AKAP9: variants seen among roughly 807,000 people sequenced by gnomAD.
AKAP9 encodes the protein A-kinase anchor protein 9.
In AKAP9, 311 loss-of-function variants were observed where a neutral mutation model predicts 488.5. The observed-to-expected ratio is 0.64, with a 90% CI of 0.58 to 0.70. The LOEUF (loss-of-function observed/expected upper bound fraction) is 0.70. Ranked by LOEUF, AKAP9 falls within the 30% of genes least tolerant of loss-of-function variation. The pLI is 0.00. For missense variants in AKAP9, 4,215 were observed against 4,374.5 expected (o/e 0.96, Z 1.03); for synonymous variants, 1,462 against 1,483.5 (o/e 0.99, Z 0.33).
At chr7:92,028,020 G>T (rs1053414525) in intron 14 of AKAP9, among the ~76,000 whole-genome samples, 3 of 152,064 alleles carry the variant, frequency 2.0e-5, no homozygotes, top group Non-Finnish European at 4.4e-5. Flanking sequence ...TGAAACATGT[G>T]CTGTGTCAAC....
rs200976922 is a variant in AKAP9 at position 92,001,807 on chromosome 7, A to G, written c.1890A>G (p.Leu630=). 88 of 1,613,218 alleles carry G rather than the reference A, an allele frequency of 5.5e-5. No individual in the cohort carries two copies. The highest frequency in any genetic ancestry group is 6.7e-5 in the Admixed American group (4 of 59,952). Residue 630 remains leucine (L), a synonymous_variant, in exon 8 of 50, where the codon CTA becomes CTG. Coordinates refer to ENST00000356239, the MANE Select transcript of AKAP9 (RefSeq NM_005751.5). ...AELERLRTQL[L]FSHEEELSKL... The stretch of plus-strand genomic sequence containing the variant: ...TAGAGAGGCTGAGAACACAGCTTCT[A>G]TTTAGTCACGAAGAAGAGCTTTCCA...
At position 92,027,507 on chromosome 7, in the gene AKAP9, C is replaced by T. The variant is rs371109308; in HGVS notation, c.4149-2388C>T. 1.1e-4 allele frequency among the ~76,000 whole-genome samples: 15 copies of T among 140,888 alleles called. No homozygotes were observed. In the East Asian group the frequency reaches 1.6e-3, roughly 15 times the overall value. The allele number at this position is 140,888 out of a possible 152,430, so 92.4% of individuals were successfully genotyped here. ...GAGGTGAGGAGCCCCTCTGCCCAGC[C>T]GCCCTTCGTCTGGGAGGTGAGGAAC... On this transcript the variant is annotated intron_variant, in intron 14 of 49. Coordinates refer to ENST00000356239, the MANE Select transcript of AKAP9 (RefSeq NM_005751.5).
chr7:91,994,923 A>T lies in AKAP9; in HGVS notation c.732+147A>T, dbSNP rs146126695. ...ATTAGTGAATATGTGTTGCTATATT[A>T]ACCAGGAATTTAATTCATACTTCTT... On this transcript the variant is annotated intron_variant, in intron 6 of 49. Coordinates refer to ENST00000356239, the MANE Select transcript of AKAP9 (RefSeq NM_005751.5). 266 of 686,984 alleles carry T rather than the reference A, an allele frequency of 3.9e-4. 1 individual carries two copies. The East Asian group carries it at 6.6e-3, about 17-fold the overall frequency. 42.6% of individuals were successfully genotyped at this position (686,984 alleles called of 1,614,324 possible).
chr7:92,082,781 T>C (rs918849703), intron 32 of AKAP9, 119 bp downstream of exon 32: 1 of 1,192,422 alleles, frequency 8.4e-7, no homozygotes, highest in Admixed American at 2.5e-5. Flanking sequence ...TAAAAAGTAT[T>C]TTGTGGATTT....
At chr7:92,082,492 T>C in intron 31 of AKAP9, 30 bp from the exon 32 acceptor site, 1 of 1,609,180 alleles carries the variant, frequency 6.2e-7, no homozygotes, top group Non-Finnish European at 8.5e-7. Flanking sequence ...TTTTAAATTA[T>C]GTGTTTCTTG....
chr7:91,980,333 G>A lies in AKAP9; in HGVS notation c.351G>A (p.Glu117=), dbSNP rs1251308210. The A allele has an allele frequency of 2.6e-6, 4 of 1,536,330 alleles. No homozygotes were observed. The highest frequency in any genetic ancestry group is 2.7e-5 in the African/African-American group (2 of 73,122). Reference sequence around the variant, plus strand: ...CCACAGCAGATGACTGCAGTTCAGAGGTAAGACTAAATTATATTGATTTCT... The same window carrying A: ...CCACAGCAGATGACTGCAGTTCAGAAGTAAGACTAAATTATATTGATTTCT... ...ISTTADDCSS[E]VNGCSFVMRT... Residue 117 remains glutamate, a splice_region_variant and synonymous_variant, in exon 3 of 50, where the codon GAG becomes GAA. Coordinates refer to ENST00000356239, the MANE Select transcript of AKAP9 (RefSeq NM_005751.5).
intron 15 of AKAP9, 44 bp downstream of exon 15, chr7:92,030,035 G>A: frequency 7.8e-7 from 1 of 1,284,676 alleles, no homozygotes; most frequent in Non-Finnish European, 1.1e-6. Flanking sequence ...TATATACACT[G>A]ATTTTTCTAT....
rs1805540936 is a variant in AKAP9, at chr7:92,038,509, G to A, written c.4429G>A (p.Ala1477Thr). 1 of 1,613,800 alleles carries A rather than the reference G, an allele frequency of 6.2e-7. No homozygotes were observed. Among genetic ancestry groups the A allele is most frequent in the South Asian group, 1.1e-5 (1 of 91,082 alleles). ...GKENTASSKQ[A>T]HAVCQQEQHY... ...AGAAAATACTGCATCATCAAAGCAA[G>A]CACATGCTGTGTGTCAGCAAGAACA... Residue 1477 changes from alanine (A) to threonine (T), a missense_variant, in exon 17 of 50, where the codon GCA becomes ACA. By Grantham distance (58) the Ala-to-Thr change is moderately conservative. Around this residue, in one of 5 missense-constraint regions of AKAP9, gnomAD observed 2,361 missense variants for 2,430.0 expected, o/e 0.97. Coordinates refer to ENST00000356239, the MANE Select transcript of AKAP9 (RefSeq NM_005751.5).
At chr7:91,993,318 A>C (rs746680706) in intron 5 of AKAP9, among the ~76,000 whole-genome samples, 58 of 151,750 alleles carry the variant, frequency 3.8e-4, no homozygotes, top group Non-Finnish European at 7.1e-4. Flanking sequence ...CCTTGTGAGT[A>C]ACTGGGACTA....
intron 1 of AKAP9, among the ~76,000 whole-genome samples, chr7:91,947,931 T>G (rs28412174): frequency 0.59 from 89,122 of 151,984 alleles, 26,584 homozygotes; most frequent in East Asian, 0.83. Flanking sequence ...AATATAACCC[T>G]GTGCCCATTA....
intron 2 of AKAP9, among the ~76,000 whole-genome samples, chr7:91,978,663 T>A (rs1796002922): frequency 2.6e-5 from 4 of 152,190 alleles, no homozygotes. Context: ...AAAGTGGTTA[T>A]TTTTTCTTTA....
At chr7:91,945,123 G>A (rs1286973590) in intron 1 of AKAP9, among the ~76,000 whole-genome samples, 2 of 152,216 alleles carry the variant, frequency 1.3e-5, no homozygotes, top group Non-Finnish European at 2.9e-5. Flanking sequence ...AACACTGGGA[G>A]GCTGAGGTGG....
chr7:92,076,898 TG>T lies in AKAP9; in HGVS notation c.6658del (p.Glu2220LysfsTer14). 6.6e-7 allele frequency: 1 copy of T among 1,514,338 alleles called. No homozygotes were observed. Among genetic ancestry groups the T allele is most frequent in the Non-Finnish European group, 9.1e-7 (1 of 1,104,452 alleles). The allele number at this position is 1,514,338 out of a possible 1,614,324, so 93.8% of individuals were successfully genotyped here. A position where few individuals can be genotyped will look rare whatever the true frequency, so the allele number is the denominator to read the frequency against. On this transcript the variant is annotated frameshift_variant, in exon 29 of 50. Coordinates refer to ENST00000356239, the MANE Select transcript of AKAP9 (RefSeq NM_005751.5). LOFTEE classifies it high-confidence loss of function. ...EEQLEQFREE[L>X]ENKNEEVQQL... ...CAATTAGAACAGTTTAGAGAAGAAC[TG>T]GAAAATAAGAATGAAGAAGTTCAAC...
chr7:91,965,200 T>G (rs1404300511), intron 1 of AKAP9, among the ~76,000 whole-genome samples: 1 of 152,202 alleles, frequency 6.6e-6, no homozygotes, highest in Non-Finnish European at 1.5e-5. Flanking sequence ...TCCACCTTCC[T>G]ACTCTTCCCA....
intron 38 of AKAP9, among the ~76,000 whole-genome samples, chr7:92,091,425 A>C (rs950975920): frequency 5.3e-5 from 8 of 152,002 alleles, no homozygotes; most frequent in African/African-American, 1.5e-4. Flanking sequence ...ATCTCTACTA[A>C]AAATACAAAA....
intron 22 of AKAP9, among the ~76,000 whole-genome samples, chr7:92,058,651 C>T (rs559167221): frequency 7.9e-5 from 12 of 152,050 alleles, no homozygotes; most frequent in African/African-American, 2.4e-4. Flanking sequence ...TTAAAAAGAT[C>T]CCGCTTTTCC....
rs1475643006 is a variant in AKAP9, at chr7:92,031,624, G to A, written c.4338+20G>A. 7.2e-6 allele frequency: 11 copies of A among 1,535,950 alleles called. No homozygotes were observed. Among genetic ancestry groups the A allele is most frequent in the Non-Finnish European group, 9.0e-6 (10 of 1,109,840 alleles). On this transcript the variant is annotated intron_variant, in intron 16 of 49. Transcript: ENST00000356239. ...GCTAAGGTAGGCTTATAGCTTATCT[G>A]GAAGATTATCTTGGTTTATATTCCC... is the stretch of plus-strand genomic sequence containing the variant.
At chr7:92,048,678 G>A (rs893139177) in intron 21 of AKAP9, among the ~76,000 whole-genome samples, 14 of 152,278 alleles carry the variant, frequency 9.2e-5, no homozygotes, top group East Asian at 5.8e-4. Flanking sequence ...AGGCCAAGGC[G>A]GGCAGATCAC....
At chr7:92,045,733 A>G (rs1325377806) in intron 21 of AKAP9, among the ~76,000 whole-genome samples, 1 of 151,814 alleles carries the variant, frequency 6.6e-6, no homozygotes, top group Non-Finnish European at 1.5e-5. Flanking sequence ...ATATTACACA[A>G]TGTGTATGGA....
Sources: allele counts gnomAD v4.1 joint callset (sites outside exome capture counted in the v4.1 genomes callset), GRCh38; gene constraint gnomAD v4.1.1; regional missense constraint gnomAD v4.1.1; transcripts MANE v1.5; gene names NCBI Gene and HGNC (gene_info 2026-07-23, HGNC 2026-07-21).